Variants in COPS2 observed in about 807,000 individuals in gnomAD.
COPS2 encodes COP9 signalosome subunit 2, also known as COP9 signalosome complex subunit 2.
In COPS2, 10 loss-of-function variants were observed where a neutral mutation model predicts 66.1. The ratio of observed to expected loss-of-function variants is 0.15; its 90% CI spans 0.09 to 0.26. COPS2 has a LOEUF of 0.26. Ranked by LOEUF, COPS2 falls within the 10% of genes least tolerant of loss-of-function variation. The pLI, the probability that COPS2 is intolerant of heterozygous loss-of-function variation, is 1.00. For missense variants in COPS2, 215 were observed against 513.3 expected (o/e 0.42, Z 5.62); for synonymous variants, 179 against 171.3 (o/e 1.04, Z -0.35).
chr15:49,147,843 T>C (rs1241668800), intron 1 of COPS2, among the ~76,000 whole-genome samples: 1 of 152,284 alleles, frequency 6.6e-6, no homozygotes. Context: ...AAATGGCATG[T>C]ATAATGTTTT....
chr15:49,155,517 C>G lies in COPS2; in HGVS notation c.54+8G>C. On this transcript the variant is annotated splice_region_variant and intron_variant, in intron 1 of 12. Coordinates refer to ENST00000388901, the MANE Select transcript of COPS2 (RefSeq NM_004236.4). Reference sequence around the variant, plus strand: ...ACCACCCTCAGAGTTCCATTCCCTGCGCCTCACCAGGTCGTAGTCCTCCTC... The same window carrying G: ...ACCACCCTCAGAGTTCCATTCCCTGGGCCTCACCAGGTCGTAGTCCTCCTC... 2 of 1,613,910 alleles carry G rather than the reference C, an allele frequency of 1.2e-6. No homozygotes were observed. Among genetic ancestry groups the G allele is most frequent in the Non-Finnish European group, 1.7e-6 (2 of 1,179,760 alleles).
rs2084179688 is a variant in COPS2, at chr15:49,127,879, A to C, written c.*71T>G. The C allele has an allele frequency of 1.4e-6, 2 of 1,471,208 alleles. No individual in the cohort carries two copies. Among genetic ancestry groups the C allele is most frequent in the Non-Finnish European group, 1.8e-6 (2 of 1,088,530 alleles). 91.1% of individuals were successfully genotyped at this position (1,471,208 alleles called of 1,614,324 possible). A position where few individuals can be genotyped will look rare whatever the true frequency, so the allele number is the denominator to read the frequency against. On this transcript the variant is annotated 3_prime_UTR_variant, in exon 13 of 13. Transcript: ENST00000388901. ...CACATCAACCGACAGTAGTTTTGCC[A>C]TTCCCAGTTCTTTTAAGGATTACAT...
In COPS2 at chr15:49,129,519, T is replaced by C; in HGVS notation, c.1086A>G (p.Leu362=). The C allele has an allele frequency of 6.6e-7, 1 of 1,510,382 alleles. No homozygotes were observed. Among genetic ancestry groups the C allele is most frequent in the Non-Finnish European group, 8.9e-7 (1 of 1,123,936 alleles). 93.6% of individuals were successfully genotyped at this position (1,510,382 alleles called of 1,614,324 possible). A position where few individuals can be genotyped will look rare whatever the true frequency, so the allele number is the denominator to read the frequency against. ...RNIRTQVLIK[L]IKPYTRIHIP... ...TATGTATTCTTGTGTAAGGCTTAAT[T>C]AATTTTATAAGCACTTGTGTTCTGA... Residue 362 remains leucine, a synonymous_variant, in exon 11 of 13, where the codon TTA becomes TTG. Transcript: ENST00000388901.
intron 3 of COPS2, among the ~76,000 whole-genome samples, chr15:49,140,951 T>A (rs1025716926): frequency 1.3e-5 from 2 of 150,604 alleles, no homozygotes; most frequent in Non-Finnish European, 3.0e-5. Context: ...TAACCAAGAA[T>A]TGAATTACAA....
chr15:49,135,657 C>G lies in COPS2; in HGVS notation c.541-1143G>C, dbSNP rs566863472. On this transcript the variant is annotated intron_variant, in intron 6 of 12. Transcript: ENST00000388901. Reference sequence around the variant, plus strand: ...GCAATATGATCAACAGGAAGATATTCATAAATATCTCACACTGACATACAC... The same window carrying G: ...GCAATATGATCAACAGGAAGATATTGATAAATATCTCACACTGACATACAC... 2.0e-5 allele frequency among the ~76,000 whole-genome samples: 3 copies of G among 152,224 alleles called. No individual in the cohort carries two copies. The South Asian group carries it at 6.2e-4, about 32-fold the overall frequency.
Position 49,123,320 on chromosome 15 carries a change from C to A in COPS2, c.*4630G>T, listed in dbSNP as rs529438890. On this transcript the variant is annotated 3_prime_UTR_variant, in exon 13 of 13. Coordinates refer to ENST00000388901, the MANE Select transcript of COPS2 (RefSeq NM_004236.4). ...ACCTTTAGCAATTAATTTTAAAATGCCCTTACTTCAGAATTAAAAAATTAC... is the reference window on the plus strand; with the variant it reads ...ACCTTTAGCAATTAATTTTAAAATGACCTTACTTCAGAATTAAAAAATTAC... The A allele has an allele frequency of 2.6e-5, 4 of 152,220 alleles. No homozygotes were observed. The highest frequency in any genetic ancestry group is 9.6e-5 in the African/African-American group (4 of 41,534). 9.4% of individuals were successfully genotyped at this position (152,220 alleles called of 1,614,324 possible). A position where few individuals can be genotyped will look rare whatever the true frequency, so the allele number is the denominator to read the frequency against.
chr15:49,132,416 C>T (rs780375473), intron 9 of COPS2, among the ~76,000 whole-genome samples: 10 of 150,290 alleles, frequency 6.7e-5, no homozygotes, highest in Non-Finnish European at 1.3e-4. Context: ...ACATTTTACA[C>T]AGGAACTTTA....
intron 4 of COPS2, 159 bp from the exon 5 acceptor site, chr15:49,137,596 C>A (rs1315483890): frequency 5.2e-6 from 3 of 575,160 alleles, no homozygotes; most frequent in Non-Finnish European, 9.1e-6. Flanking sequence ...AATTAACAAA[C>A]TGAAGCAAAA....
At chr15:49,151,405 A>C (rs2084360604) in intron 1 of COPS2, among the ~76,000 whole-genome samples, 1 of 151,934 alleles carries the variant, frequency 6.6e-6, no homozygotes, top group African/African-American at 2.4e-5. Flanking sequence ...GTCTCAAAAA[A>C]AAAAAAAAAA....
At chr15:49,137,310 A>T in intron 5 of COPS2, 38 bp downstream of exon 5, 1 of 1,544,930 alleles carries the variant, frequency 6.5e-7, no homozygotes, top group Non-Finnish European at 8.9e-7. Flanking sequence ...ACACCCACCC[A>T]CTTTTCAAAA....
At position 49,139,399 on chromosome 15, in the gene COPS2, T is replaced by G. The variant is rs1250960173; in HGVS notation, c.372+129A>C. 8.3e-6 allele frequency: 6 copies of G among 719,724 alleles called. No individual in the cohort carries two copies. In the East Asian group the frequency reaches 1.3e-4, roughly 16 times the overall value. The allele number at this position is 719,724 out of a possible 1,614,324, so 44.6% of individuals were successfully genotyped here. ...CCAGGAAAATAGTACTTATCATTTTTAAAGCATACTAATAACTAGCACAAC... is the reference window on the plus strand; with the variant it reads ...CCAGGAAAATAGTACTTATCATTTTGAAAGCATACTAATAACTAGCACAAC... On this transcript the variant is annotated intron_variant, in intron 4 of 12. Transcript: ENST00000388901.
intron 9 of COPS2, among the ~76,000 whole-genome samples, chr15:49,131,407 C>A (rs1428591338): frequency 6.6e-6 from 1 of 151,234 alleles, no homozygotes; most frequent in Non-Finnish European, 1.5e-5. Flanking sequence ...ATTCATAATT[C>A]TCTGAGGTAT....
chr15:49,126,850 C>T lies in COPS2; in HGVS notation c.*1100G>A, dbSNP rs773452245. 1.3e-5 allele frequency: 2 copies of T among 152,034 alleles called. No homozygotes were observed. Among genetic ancestry groups the T allele is most frequent in the Non-Finnish European group, 2.9e-5 (2 of 67,964 alleles). The allele number at this position is 152,034 out of a possible 1,614,324, so 9.4% of individuals were successfully genotyped here. The stretch of plus-strand genomic sequence containing the variant: ...ATGGTAACTAAAAATAATCAAGCTT[C>T]CTAATACTATATTTTTTAAAACAAT... On this transcript the variant is annotated 3_prime_UTR_variant, in exon 13 of 13. Transcript: ENST00000388901.
At chr15:49,134,864 T>C (rs553017316) in intron 6 of COPS2, among the ~76,000 whole-genome samples, 2 of 149,360 alleles carry the variant, frequency 1.3e-5, no homozygotes, top group East Asian at 1.9e-4. Context: ...ACACTGTCGA[T>C]AGGTTCTTGG....
intron 9 of COPS2, among the ~76,000 whole-genome samples, chr15:49,131,557 C>T (rs1238878251): frequency 1.3e-5 from 2 of 151,848 alleles, no homozygotes; most frequent in Non-Finnish European, 2.9e-5. Flanking sequence ...TACTGCACGC[C>T]CTCTGCTAGT....
chr15:49,131,095 A>G (rs909763786), intron 9 of COPS2, among the ~76,000 whole-genome samples: 1 of 152,164 alleles, frequency 6.6e-6, no homozygotes, highest in Non-Finnish European at 1.5e-5. Flanking sequence ...AATCACCTCA[A>G]TATCTTACTT....
chr15:49,125,446 C>T lies in COPS2; in HGVS notation c.*2504G>A, dbSNP rs2084158279. The T allele has an allele frequency of 6.6e-6, 1 of 151,962 alleles. No individual in the cohort carries two copies. Among genetic ancestry groups the T allele is most frequent in the African/African-American group, 2.4e-5 (1 of 41,384 alleles). The allele number at this position is 151,962 out of a possible 1,614,324, so 9.4% of individuals were successfully genotyped here. A position where few individuals can be genotyped will look rare whatever the true frequency, so the allele number is the denominator to read the frequency against. On this transcript the variant is annotated 3_prime_UTR_variant, in exon 13 of 13. Coordinates refer to ENST00000388901, the MANE Select transcript of COPS2 (RefSeq NM_004236.4). ...AAAGAAGAATGAGATGAACACATTA[C>T]AATATGATGTAAACCACTGGTATGG...
chr15:49,123,652 A>C lies in COPS2; in HGVS notation c.*4298T>G, dbSNP rs2084141623. On this transcript the variant is annotated 3_prime_UTR_variant, in exon 13 of 13. Coordinates refer to ENST00000388901, the MANE Select transcript of COPS2 (RefSeq NM_004236.4). ...CCAACACGGAACAAAGTTGCCCCCG[A>C]ATAGTAAGTACTTAAGAAATAATTT... 1 of 152,218 alleles carries C rather than the reference A, an allele frequency of 6.6e-6. No homozygotes were observed. The highest frequency in any genetic ancestry group is 2.1e-4 in the South Asian group (1 of 4,836). The allele number at this position is 152,218 out of a possible 1,614,324, so 9.4% of individuals were successfully genotyped here.
At position 49,124,174 on chromosome 15, in the gene COPS2, C is replaced by T. The variant is rs1365591747; in HGVS notation, c.*3776G>A. On this transcript the variant is annotated 3_prime_UTR_variant, in exon 13 of 13. Transcript: ENST00000388901. ...ATCGCCTGAGGTCAGGAGTTTGAGA[C>T]CAGCCTGGCCAACATGGTGAAATCT... 6.6e-6 allele frequency: 1 copy of T among 152,026 alleles called. No homozygotes were observed. Among genetic ancestry groups the T allele is most frequent in the African/African-American group, 2.4e-5 (1 of 41,358 alleles). The allele number at this position is 152,026 out of a possible 1,614,324, so 9.4% of individuals were successfully genotyped here. A position where few individuals can be genotyped will look rare whatever the true frequency, so the allele number is the denominator to read the frequency against.
Sources: gnomAD v4.1 joint callset for allele counts (sites outside exome capture counted in the v4.1 genomes callset) on GRCh38, gnomAD v4.1.1 for gene constraint, MANE v1.5 for transcripts, NCBI Gene and HGNC (gene_info 2026-07-23, HGNC 2026-07-21) for gene names.